The following C12orf56 variants were observed in gnomAD, a reference collection of about 807,000 sequenced individuals.
The protein encoded by C12orf56 is chromosome 12 open reading frame 56.
C12orf56 carries 71 observed loss-of-function variants against 69.9 expected under a neutral mutation model. The ratio of observed to expected loss-of-function variants is 1.02; its 90% CI spans 0.84 to 1.24. C12orf56 has a LOEUF of 1.24. Among genes scored for constraint, C12orf56 ranks in the 50% most tolerant of loss-of-function variants. C12orf56 has a pLI of 0.00. For missense variants in C12orf56, 732 were observed against 738.5 expected, an observed-to-expected ratio of 0.99 and a Z score of 0.10; for synonymous variants, 276 against 274.1, an observed-to-expected ratio of 1.01 and a Z score of -0.07.
At chr12:64,336,900 A>G (rs1266731918) in intron 2 of C12orf56, among the ~76,000 whole-genome samples, 1 of 152,182 alleles carries the variant, frequency 6.6e-6, no homozygotes, top group Non-Finnish European at 1.5e-5. Flanking sequence ...CAGCCACCCC[A>G]GCTGTGTACC....
At chr12:64,338,323 G>T in intron 2 of C12orf56, 1 of 552,980 alleles carries the variant, frequency 1.8e-6, no homozygotes, top group Middle Eastern at 4.7e-4. Context: ...CACCAGCTAT[G>T]TCCTCTGGCA....
chr12:64,303,552 C>T, intron 6 of C12orf56, 83 bp downstream of exon 6: 3 of 1,152,464 alleles, frequency 2.6e-6, no homozygotes, highest in South Asian at 3.3e-5. Context: ...CAAGACAACT[C>T]TTATTTATAT....
chr12:64,329,747 A>G lies in C12orf56; in HGVS notation c.488+1213T>C, dbSNP rs530619992. On this transcript the variant is annotated intron_variant, in intron 3 of 12. Coordinates refer to ENST00000543942, the MANE Select transcript of C12orf56 (RefSeq NM_001170633.2). ...TGTGTCCATGTGATCTCATTGTTCAATTCCCACCTATGAGTGAGAATATGC... is the reference window on the plus strand; with the variant it reads ...TGTGTCCATGTGATCTCATTGTTCAGTTCCCACCTATGAGTGAGAATATGC... 2.9e-5 allele frequency among the ~76,000 whole-genome samples: 4 copies of G among 139,802 alleles called. No homozygotes were observed. The East Asian group carries it at 6.5e-4, about 23-fold the overall frequency. 91.7% of individuals were successfully genotyped at this position (139,802 alleles called of 152,430 possible).
At chr12:64,382,870 CA>C (rs57099747) in intron 1 of C12orf56, among the ~76,000 whole-genome samples, 86 of 132,122 alleles carry the variant, frequency 6.5e-4, no homozygotes, top group African/African-American at 1.6e-3. Flanking sequence ...GACTCCGTTT[CA>C]AAAAAAAAAA....
intron 12 of C12orf56, among the ~76,000 whole-genome samples, chr12:64,270,219 A>T (rs1486891060): frequency 6.6e-6 from 1 of 151,900 alleles, no homozygotes; most frequent in Admixed American, 6.6e-5. Context: ...AACATGGTGA[A>T]ACCCTGTCTC....
intron 3 of C12orf56, among the ~76,000 whole-genome samples, chr12:64,322,319 C>G (rs2038783854): frequency 6.6e-6 from 1 of 152,102 alleles, no homozygotes; most frequent in Admixed American, 6.6e-5. Context: ...AATTCAGTGA[C>G]TTTCCTCTGT....
chr12:64,346,834 T>C (rs758082446), intron 2 of C12orf56, among the ~76,000 whole-genome samples: 76 of 152,158 alleles, frequency 5.0e-4, no homozygotes, highest in Non-Finnish European at 9.3e-4. Context: ...TTCTAAATGT[T>C]TCAGAAGCTC....
At chr12:64,307,367 C>G in intron 5 of C12orf56, among the ~76,000 whole-genome samples, 1 of 104,762 alleles carries the variant, frequency 9.5e-6, no homozygotes, top group Non-Finnish European at 2.0e-5. Flanking sequence ...GATAGTCAGT[C>G]CTTTTTTTTT....
chr12:64,282,110 C>G (rs922819147), intron 8 of C12orf56, among the ~76,000 whole-genome samples: 1 of 152,226 alleles, frequency 6.6e-6, no homozygotes, highest in Non-Finnish European at 1.5e-5. Flanking sequence ...AATCTCAGCA[C>G]TTTGGGAGGC....
At chr12:64,367,964 C>G (rs989452952) in intron 1 of C12orf56, among the ~76,000 whole-genome samples, 19 of 151,720 alleles carry the variant, frequency 1.3e-4, no homozygotes, top group Admixed American at 8.6e-4. Flanking sequence ...CATGCCACCA[C>G]GCCCAGCTAA....
intron 1 of C12orf56, among the ~76,000 whole-genome samples, chr12:64,354,807 G>A (rs1208160123): frequency 4.1e-5 from 6 of 147,934 alleles, no homozygotes; most frequent in African/African-American, 9.8e-5. Flanking sequence ...TGCCAGGTGC[G>A]GTGGCTCACG....
At chr12:64,277,938 G>A in intron 8 of C12orf56, 135 bp from the exon 9 acceptor site, 6 of 561,476 alleles carry the variant, frequency 1.1e-5, no homozygotes, top group Non-Finnish European at 1.6e-5. Flanking sequence ...CTGAAGTTTT[G>A]GATCCTTGGA....
intron 9 of C12orf56, among the ~76,000 whole-genome samples, chr12:64,276,408 C>T (rs542658140): frequency 9.7e-4 from 147 of 152,256 alleles, no homozygotes; most frequent in Non-Finnish European, 1.7e-3. Flanking sequence ...AGGAATGCTT[C>T]CCTCTGGCCA....
In C12orf56 at chr12:64,313,274, A is replaced by AGAAAGAAAGAAAGAAAGAAAG. The variant is rs1555188665; in HGVS notation, c.895-523_895-522insCTTTCTTTCTTTCTTTCTTTC. Reference sequence around the variant, plus strand: ...GAGACTCTGTCTCAAAAAAAAAAAAAAAAGAAAGAAAGAAAGAAAGAAAGA... The same window carrying AGAAAGAAAGAAAGAAAGAAAG: ...GAGACTCTGTCTCAAAAAAAAAAAAAGAAAGAAAGAAAGAAAGAAAGAAAGAAAGAAAGAAAGAAAGAAAGA... On this transcript the variant is annotated intron_variant, in intron 4 of 12. Coordinates refer to ENST00000543942, the MANE Select transcript of C12orf56 (RefSeq NM_001170633.2). Among the ~76,000 whole-genome samples, 25 of 81,398 alleles carry AGAAAGAAAGAAAGAAAGAAAG rather than the reference A, an allele frequency of 3.1e-4. No individual in the cohort carries two copies. The South Asian group carries it at 5.3e-3, about 17-fold the overall frequency. The allele number at this position is 81,398 out of a possible 152,430, so 53.4% of individuals were successfully genotyped here. A position where few individuals can be genotyped will look rare whatever the true frequency, so the allele number is the denominator to read the frequency against.
chr12:64,268,458 A>T (rs962168669), intron 12 of C12orf56, among the ~76,000 whole-genome samples: 3 of 152,200 alleles, frequency 2.0e-5, no homozygotes, highest in Non-Finnish European at 2.9e-5. Context: ...GACACAAAAG[A>T]TCACATATTA....
intron 2 of C12orf56, 118 bp from the exon 3 acceptor site, chr12:64,331,150 G>T: frequency 2.3e-6 from 2 of 878,604 alleles, no homozygotes; most frequent in Non-Finnish European, 3.4e-6. Context: ...AAAATTGTAA[G>T]TCCAAAATTG....
In C12orf56 at chr12:64,266,419, C is replaced by T. The variant is rs1296104691; in HGVS notation, c.*764G>A. ...CAGATTTTAAAACTCTGGCCTCCGG[C>T]CTTGGTGGTTTCTGGTGCAGGAACT... On this transcript the variant is annotated 3_prime_UTR_variant, in exon 13 of 13. Transcript: ENST00000543942. The T allele has an allele frequency of 2.4e-5, 6 of 250,934 alleles. No individual in the cohort carries two copies. The highest frequency in any genetic ancestry group is 2.0e-4 in the Admixed American group (5 of 25,014). 15.5% of individuals were successfully genotyped at this position (250,934 alleles called of 1,614,324 possible).
chr12:64,369,079 G>A (rs2039534681), intron 1 of C12orf56, among the ~76,000 whole-genome samples: 1 of 149,146 alleles, frequency 6.7e-6, no homozygotes, highest in South Asian at 2.1e-4. Flanking sequence ...AGCACTCTAG[G>A]AAGCTGAGGA....
intron 6 of C12orf56, among the ~76,000 whole-genome samples, chr12:64,287,340 T>G (rs376430397): frequency 1.1e-3 from 159 of 149,618 alleles, no homozygotes; most frequent in South Asian, 1.7e-3. Flanking sequence ...AGTGTGGCAG[T>G]TTTTTTTTGT....
Sources: gnomAD v4.1 joint callset for allele counts (sites outside exome capture counted in the v4.1 genomes callset) on GRCh38, gnomAD v4.1.1 for gene constraint, MANE v1.5 for transcripts, NCBI Gene and HGNC (gene_info 2026-07-23, HGNC 2026-07-21) for gene names.